The following TECPR2 variants were observed in gnomAD, a reference collection of about 807,000 sequenced individuals.
The protein encoded by TECPR2 is tectonin beta-propeller repeat-containing protein 2.
A neutral mutation model predicts 138.1 loss-of-function variants in TECPR2; 65 were observed. The observed-to-expected ratio is 0.47, with a 90% CI of 0.39 to 0.58. The LOEUF is 0.58. TECPR2 is among the 20% of genes least tolerant of loss of function. TECPR2 has a pLI of 0.00. For missense variants in TECPR2, 1,553 were observed against 1,824.5 expected, an observed-to-expected ratio of 0.85 and a Z score of 2.71; for synonymous variants, 746 against 749.8, an observed-to-expected ratio of 0.99 and a Z score of 0.08.
At chr14:102,370,706 T>C (rs533857705) in intron 1 of TECPR2, among the ~76,000 whole-genome samples, 1 of 152,272 alleles carries the variant, frequency 6.6e-6, no homozygotes, top group Admixed American at 6.5e-5. Context: ...GACATCAGCT[T>C]TGCACATCAG....
At chr14:102,404,643 C>G (rs1217302235) in intron 2 of TECPR2, among the ~76,000 whole-genome samples, 3 of 150,732 alleles carry the variant, frequency 2.0e-5, no homozygotes, top group Non-Finnish European at 4.4e-5. Context: ...ATGGCGTGAT[C>G]TCGGCTCACT....
At chr14:102,369,512 T>A (rs929915969) in intron 1 of TECPR2, among the ~76,000 whole-genome samples, 6 of 151,988 alleles carry the variant, frequency 3.9e-5, no homozygotes. Flanking sequence ...GTTCAGTCGA[T>A]CCTCCGGGCT....
chr14:102,397,028 G>A (rs1888333999), intron 2 of TECPR2, among the ~76,000 whole-genome samples: 1 of 152,098 alleles, frequency 6.6e-6, no homozygotes, highest in South Asian at 2.1e-4. Flanking sequence ...TTCCCATTTG[G>A]GAGCCAGATG....
At position 102,443,569 on chromosome 14, in the gene TECPR2, TAAG is replaced by T; in HGVS notation, c.2753-77_2753-75del. ...TAGCAAAATACCAAAAAAGGAAAAA[TAAG>T]CCAATAACCAAGTCAAAATGAGGTG... On this transcript the variant is annotated intron_variant, in intron 11 of 19. Transcript: ENST00000359520. The surrounding 1 kb of genome is among the most constrained non-coding windows in gnomAD (Gnocchi z 4.9). 7.6e-7 allele frequency: 1 copy of T among 1,312,182 alleles called. No individual in the cohort carries two copies. Among genetic ancestry groups the T allele is most frequent in the Non-Finnish European group, 9.9e-7 (1 of 1,011,884 alleles). The allele number at this position is 1,312,182 out of a possible 1,614,324, so 81.3% of individuals were successfully genotyped here.
chr14:102,407,944 C>T (rs1255859626), intron 3 of TECPR2, among the ~76,000 whole-genome samples: 5 of 151,616 alleles, frequency 3.3e-5, no homozygotes, highest in Non-Finnish European at 7.4e-5. Flanking sequence ...TTGCAGTGAG[C>T]GGAGATCACG....
chr14:102,422,566 G>A (rs1009923149), intron 5 of TECPR2, among the ~76,000 whole-genome samples: 1 of 152,016 alleles, frequency 6.6e-6, no homozygotes, highest in African/African-American at 2.4e-5. Context: ...AAGCAAAAGA[G>A]TACAATTAGC....
intron 9 of TECPR2, among the ~76,000 whole-genome samples, chr14:102,435,414 C>T (rs1889637953): frequency 6.6e-6 from 1 of 152,204 alleles, no homozygotes; most frequent in East Asian, 1.9e-4. Flanking sequence ...CTGACCTGTT[C>T]TACCCTGCTC....
chr14:102,375,458 A>G (rs1887619530), intron 1 of TECPR2, among the ~76,000 whole-genome samples: 1 of 152,208 alleles, frequency 6.6e-6, no homozygotes, highest in Non-Finnish European at 1.5e-5. Context: ...AGAGGGCACA[A>G]TTGAGAAGGA....
In TECPR2 at chr14:102,443,770, G is replaced by C; in HGVS notation, c.2876G>C (p.Arg959Pro). Residue 959 changes from arginine to proline, a missense_variant, in exon 12 of 20, where the codon CGG (arginine) becomes CCG (proline). Transcript: ENST00000359520. The surrounding 1 kb of genome is among the most constrained non-coding windows in gnomAD (Gnocchi z 4.9). ...ACAGAGCAGAGGGCCCTCCTGTACCGGGAGGGCGTGAGCAGCTTCTGTCCG... is the reference window on the plus strand; with the variant it reads ...ACAGAGCAGAGGGCCCTCCTGTACCCGGAGGGCGTGAGCAGCTTCTGTCCG... ...ALTEQRALLY[R>P]EGVSSFCPEG... 1 of 1,608,900 alleles carries C rather than the reference G, an allele frequency of 6.2e-7. No individual in the cohort carries two copies. Among genetic ancestry groups the C allele is most frequent in the Non-Finnish European group, 8.5e-7 (1 of 1,176,400 alleles).
chr14:102,434,988 A>T lies in TECPR2; in HGVS notation c.2171A>T (p.Gln724Leu). ...SERVLGSVGG[Q>L]LTPVSALAAS... ...CGTGTCTTGGGGAGTGTGGGAGGAC[A>T]GCTGACTCCGGTCTCTGCCTTGGCA... is the stretch of plus-strand genomic sequence containing the variant. The change falls in exon 9 of 20, where the codon CAG becomes CTG. Residue 724 changes from glutamine (Q) to leucine (L), a missense_variant. Physicochemically the swap from Gln to Leu is moderately radical, Grantham distance 113. Coordinates refer to ENST00000359520, the MANE Select transcript of TECPR2 (RefSeq NM_014844.5). The T allele has an allele frequency of 6.2e-7, 1 of 1,614,154 alleles. No homozygotes were observed. The highest frequency in any genetic ancestry group is 8.5e-7 in the Non-Finnish European group (1 of 1,180,024).
chr14:102,413,237 A>G (rs2139701225), intron 4 of TECPR2, among the ~76,000 whole-genome samples: 1 of 152,224 alleles, frequency 6.6e-6, no homozygotes, highest in South Asian at 2.1e-4. Context: ...TTTACCAACA[A>G]ATCTGATCAC....
intron 2 of TECPR2, among the ~76,000 whole-genome samples, chr14:102,387,171 A>T (rs1888030453): frequency 6.6e-6 from 1 of 152,224 alleles, no homozygotes; most frequent in African/African-American, 2.4e-5. Flanking sequence ...AAATGAAGTT[A>T]TGTTTCCTAA....
chr14:102,455,888 C>T (rs1004013510), intron 16 of TECPR2, among the ~76,000 whole-genome samples: 23 of 152,224 alleles, frequency 1.5e-4, no homozygotes, highest in African/African-American at 5.1e-4. Context: ...GCTGGGATTA[C>T]AGGCGTGAGC....
chr14:102,450,427 G>A (rs1221094827), intron 14 of TECPR2, 133 bp from the exon 15 acceptor site: 26 of 812,242 alleles, frequency 3.2e-5, no homozygotes, highest in African/African-American at 5.1e-5. Context: ...TGCTCATGTC[G>A]CTTTATTTAG....
At chr14:102,445,680 TC>T in intron 12 of TECPR2, 125 bp from the exon 13 acceptor site, 1 of 1,249,076 alleles carries the variant, frequency 8.0e-7, no homozygotes, top group South Asian at 1.6e-5. Flanking sequence ...CACCTGCTGA[TC>T]CGCTCCAGGG....
Position 102,497,559 on chromosome 14 carries a change from T to G in TECPR2, c.3932-11T>G. On this transcript the variant is annotated splice_polypyrimidine_tract_variant and intron_variant, in intron 18 of 19. Transcript: ENST00000359520. ...TGGCAGGGGCTCAGGAGGGACCCTGTCTGCCCACAGGGTTGCAGGCCTGCC... is the reference window on the plus strand; with the variant it reads ...TGGCAGGGGCTCAGGAGGGACCCTGGCTGCCCACAGGGTTGCAGGCCTGCC... The G allele has an allele frequency of 1.3e-6, 2 of 1,572,802 alleles. No homozygotes were observed. Among genetic ancestry groups the G allele is most frequent in the Non-Finnish European group, 1.7e-6 (2 of 1,156,926 alleles).
In TECPR2 at chr14:102,376,862, C is replaced by T. The variant is rs992323339; in HGVS notation, c.141C>T (p.Tyr47=). Residue 47 remains tyrosine (Y), a synonymous_variant, in exon 2 of 20, where the codon TAC becomes TAT. Transcript: ENST00000359520. ...YLTALDTNGD[Y]IAVGSSIGML... is the part of the protein sequence containing the mutation. ...CGGCCCTCGACACCAACGGGGACTA[C>T]ATCGCGGTGGGCAGCAGCATCGGCA... The T allele has an allele frequency of 2.5e-6, 4 of 1,614,202 alleles. No homozygotes were observed. The highest frequency in any genetic ancestry group is 3.4e-6 in the Non-Finnish European group (4 of 1,180,040).
intron 6 of TECPR2, among the ~76,000 whole-genome samples, chr14:102,427,745 T>C (rs1435945793): frequency 6.6e-6 from 1 of 152,178 alleles, no homozygotes; most frequent in Non-Finnish European, 1.5e-5. Context: ...TGCACGTTAT[T>C]TCAGCCCAGG....
chr14:102,460,850 A>G (rs139376313), intron 16 of TECPR2, among the ~76,000 whole-genome samples: 4,133 of 151,778 alleles, frequency 0.027, 79 homozygotes, highest in Middle Eastern at 0.088. Context: ...ACCCACTGCC[A>G]TGCCCAGCTA....
Sources: allele counts gnomAD v4.1 joint callset (sites outside exome capture counted in the v4.1 genomes callset), GRCh38; gene constraint gnomAD v4.1.1; non-coding constraint Gnocchi (gnomAD v3.1); transcripts MANE v1.5; gene names NCBI Gene and HGNC (gene_info 2026-07-23, HGNC 2026-07-21).